Variants in FGD4 observed in about 807,000 individuals in gnomAD.
FGD4 encodes the protein FYVE, RhoGEF and PH domain-containing protein 4.
FGD4 carries 42 observed loss-of-function variants against 102.0 expected under a neutral mutation model. The observed-to-expected ratio is 0.41, with a 90% CI of 0.32 to 0.53. The LOEUF (loss-of-function observed/expected upper bound fraction) is 0.53, where lower values mean the gene tolerates loss of function less well. FGD4 is among the 20% of genes least tolerant of loss of function. The pLI, the probability that FGD4 is intolerant of heterozygous loss-of-function variation, is 0.21. For synonymous variants in FGD4, 380 were observed against 375.7 expected (o/e 1.01, Z -0.13); for missense variants, 902 against 1,078.2 (o/e 0.84, Z 2.29).
rs1178495023 is a variant in FGD4, at chr12:32,643,653, A to G, written c.*3120A>G. 1 of 146,114 alleles carries G rather than the reference A, an allele frequency of 6.8e-6. No individual in the cohort carries two copies. Among genetic ancestry groups the G allele is most frequent in the Non-Finnish European group, 1.5e-5 (1 of 66,260 alleles). The allele number at this position is 146,114 out of a possible 1,614,324, so 9.1% of individuals were successfully genotyped here. ...AAATGTACCCTTTCCCCATATATAT[A>G]TACGCACACGTTTGGATTTTTTTTT... is the stretch of plus-strand genomic sequence containing the variant. On this transcript the variant is annotated 3_prime_UTR_variant, in exon 17 of 17. Coordinates refer to ENST00000534526, the MANE Select transcript of FGD4 (RefSeq NM_001370298.3).
At chr12:32,625,268 TC>T (rs1472226223) in intron 13 of FGD4, among the ~76,000 whole-genome samples, 200 bp downstream of exon 13, 1 of 130,442 alleles carries the variant, frequency 7.7e-6, no homozygotes, top group Non-Finnish European at 1.6e-5. Flanking sequence ...TTTTTCTTAT[TC>T]TTTTTTTTTT....
At chr12:32,566,841 C>T (rs1381883293) in intron 2 of FGD4, among the ~76,000 whole-genome samples, 1 of 152,178 alleles carries the variant, frequency 6.6e-6, no homozygotes, top group Non-Finnish European at 1.5e-5. Context: ...CTGCAAATCC[C>T]TTACAAGTTG....
chr12:32,602,431 C>A, intron 7 of FGD4, 114 bp downstream of exon 7: 1 of 1,179,990 alleles, frequency 8.5e-7, no homozygotes, highest in Non-Finnish European at 1.2e-6. Context: ...AGCCAAAATT[C>A]ATTCTACTCC....
At chr12:32,453,163 A>G (rs1942829027) in intron 1 of FGD4, among the ~76,000 whole-genome samples, 4 of 140,800 alleles carry the variant, frequency 2.8e-5, no homozygotes, top group Admixed American at 7.3e-5. Context: ...GTGTGTGTGT[A>G]TATATATCTA....
At chr12:32,555,276 G>T (rs542273469) in intron 1 of FGD4, among the ~76,000 whole-genome samples, 2 of 152,132 alleles carry the variant, frequency 1.3e-5, no homozygotes, top group African/African-American at 4.8e-5. Flanking sequence ...CATAAATGGA[G>T]TTATTACTAT....
intron 1 of FGD4, among the ~76,000 whole-genome samples, chr12:32,481,127 CAAAAAA>C (rs1157108520): frequency 7.4e-3 from 201 of 27,332 alleles, no homozygotes; most frequent in Admixed American, 9.6e-3. Context: ...GACTCCGTCT[CAAAAAA>C]AAAAAAAAAA....
intron 10 of FGD4, among the ~76,000 whole-genome samples, chr12:32,614,571 G>C (rs551480201): frequency 3.2e-4 from 49 of 152,306 alleles, no homozygotes; most frequent in Admixed American, 7.8e-4. Context: ...CTTCTCCAAA[G>C]AGTCCTTCTA....
At chr12:32,433,893 G>C (rs1942137215) in intron 1 of FGD4, among the ~76,000 whole-genome samples, 1 of 151,154 alleles carries the variant, frequency 6.6e-6, no homozygotes. Context: ...GTCTTGCTCT[G>C]TCGCCAGGCT....
rs1388386323 is a variant in FGD4, at chr12:32,509,080, TTAAC to T, written c.167-55053_167-55050del. ...AGTATATTCATCATCCATCTAATCT[TTAAC>T]TAATATTTGAGATAAGAGATTTATC... is the stretch of plus-strand genomic sequence containing the variant. On this transcript the variant is annotated intron_variant, in intron 1 of 16. Transcript: ENST00000534526. Among the ~76,000 whole-genome samples, 4 of 152,306 alleles carry T rather than the reference TTAAC, an allele frequency of 2.6e-5. No homozygotes were observed. In the East Asian group the frequency reaches 7.7e-4, roughly 29 times the overall value.
intron 1 of FGD4, among the ~76,000 whole-genome samples, chr12:32,529,932 T>A (rs1333460609): frequency 6.6e-6 from 1 of 151,738 alleles, no homozygotes; most frequent in Non-Finnish European, 1.5e-5. Flanking sequence ...TGACAGCTAA[T>A]GTGCCAGTTA....
chr12:32,624,712 G>C (rs1333242319), intron 12 of FGD4: 1 of 658,426 alleles, frequency 1.5e-6, no homozygotes, highest in Non-Finnish European at 2.8e-6. Flanking sequence ...GAGCTCAAGC[G>C]ATCTGCCTGC....
At chr12:32,524,537 CAG>C (rs1940931256) in intron 1 of FGD4, among the ~76,000 whole-genome samples, 4 of 92,644 alleles carry the variant, frequency 4.3e-5, no homozygotes, top group African/African-American at 8.8e-5. Context: ...AAAAAAAAAA[CAG>C]AAAAAAATAT....
intron 1 of FGD4, among the ~76,000 whole-genome samples, chr12:32,440,608 G>A (rs1166360820): frequency 1.3e-5 from 2 of 152,152 alleles, no homozygotes; most frequent in East Asian, 1.9e-4. Flanking sequence ...ATGACTACAC[G>A]GCGTCAGACT....
intron 1 of FGD4, among the ~76,000 whole-genome samples, chr12:32,470,086 T>A (rs563277982): frequency 2.4e-3 from 372 of 152,302 alleles, no homozygotes; most frequent in Non-Finnish European, 3.9e-3. Context: ...AATTTAATAG[T>A]ATAATATATT....
intron 14 of FGD4, among the ~76,000 whole-genome samples, chr12:32,628,733 C>T (rs1187345215): frequency 1.3e-5 from 2 of 152,060 alleles, no homozygotes; most frequent in African/African-American, 4.8e-5. Flanking sequence ...TTGTGATGAG[C>T]CGAGATTGCG....
At chr12:32,585,222 T>TTATTTATATATATA (rs960851781) in intron 4 of FGD4, among the ~76,000 whole-genome samples, 1 of 116,138 alleles carries the variant, frequency 8.6e-6, no homozygotes, top group Admixed American at 8.8e-5. Context: ...CTCAAAAATT[T>TTATTTATATATATA]TATATATATA....
chr12:32,487,775 C>T (rs1943955858), intron 1 of FGD4, among the ~76,000 whole-genome samples: 1 of 152,166 alleles, frequency 6.6e-6, no homozygotes, highest in African/African-American at 2.4e-5. Flanking sequence ...CTGTGTTGCC[C>T]AGGTTGGACT....
chr12:32,499,580 T>C (rs1360290273), intron 1 of FGD4, among the ~76,000 whole-genome samples: 3 of 152,202 alleles, frequency 2.0e-5, no homozygotes, highest in African/African-American at 7.2e-5. Flanking sequence ...TTAAAAAATA[T>C]GTATAAGAGG....
At chr12:32,603,906 G>T (rs1282481612) in intron 7 of FGD4, among the ~76,000 whole-genome samples, 1 of 152,082 alleles carries the variant, frequency 6.6e-6, no homozygotes, top group African/African-American at 2.4e-5. Context: ...GTCTGGCTAT[G>T]TTGCCCAGGC....
Sources: gnomAD v4.1 joint callset for allele counts (sites outside exome capture counted in the v4.1 genomes callset) on GRCh38, gnomAD v4.1.1 for gene constraint, MANE v1.5 for transcripts, NCBI Gene and HGNC (gene_info 2026-07-23, HGNC 2026-07-21) for gene names.